ATRX: variants seen among roughly 807,000 people sequenced by gnomAD.
The protein encoded by ATRX is ATRX chromatin remodeler, also known as chromatin remodeler ATRX.
In ATRX, 12 loss-of-function variants were observed where a neutral mutation model predicts 172.6. The observed-to-expected ratio is 0.07, with a 90% confidence interval of 0.04 to 0.11. The LOEUF (loss-of-function observed/expected upper bound fraction) is 0.11. Ranked by LOEUF, ATRX falls within the 10% of genes least tolerant of loss-of-function variation. The probability of loss-of-function intolerance (pLI) is 1.00; values close to 1 mark genes in which losing one functional copy is unlikely to be tolerated. For missense variants in ATRX, 1,368 were observed against 1,767.4 expected (o/e 0.77, Z 4.05); for synonymous variants, 674 against 594.7 (o/e 1.13, Z -1.94).
At chrX:77,652,480 C>A in intron 14 of ATRX, 127 bp from the exon 15 acceptor site, 28 of 522,445 alleles carry the variant, frequency 5.4e-5, no homozygotes, top group Non-Finnish European at 6.8e-5. Flanking sequence ...GAATTATATT[C>A]AGCAATAGAG....
intron 19 of ATRX, among the ~76,000 whole-genome samples, chrX:77,625,985 G>A (rs1243042533): frequency 2.2e-5 from 2 of 89,811 alleles, no homozygotes; most frequent in African/African-American, 8.3e-5. Flanking sequence ...TGTGGAACCA[G>A]CCCAAATGCC....
intron 31 of ATRX, among the ~76,000 whole-genome samples, chrX:77,522,836 A>G (rs782338482): frequency 8.9e-6 from 1 of 111,987 alleles, no homozygotes; most frequent in East Asian, 2.8e-4. Context: ...ATAATGAAAT[A>G]TTTTTGTGTT....
At chrX:77,660,198 G>C (rs952631852) in intron 12 of ATRX, among the ~76,000 whole-genome samples, 1 of 111,988 alleles carries the variant, frequency 8.9e-6, no homozygotes, top group Non-Finnish European at 1.9e-5. Flanking sequence ...AATCCATGTT[G>C]TGATATATAA....
intron 21 of ATRX, among the ~76,000 whole-genome samples, chrX:77,617,227 C>A (rs1557097322): frequency 2.7e-5 from 3 of 111,692 alleles, no homozygotes; most frequent in African/African-American, 9.8e-5. Context: ...AAGAAAGCAA[C>A]CCCTCTACAA....
chrX:77,673,473 C>A (rs782070153), intron 10 of ATRX, among the ~76,000 whole-genome samples: 21 of 110,956 alleles, frequency 1.9e-4, no homozygotes, highest in African/African-American at 6.5e-4. Context: ...GATTAGTCTA[C>A]TTTTTTTTAT....
chrX:77,653,511 AG>A (rs2069385378), intron 14 of ATRX, among the ~76,000 whole-genome samples: 1 of 112,116 alleles, frequency 8.9e-6, no homozygotes, highest in African/African-American at 3.2e-5. Context: ...AAATTCTTGG[AG>A]ACATAAATGA....
In ATRX at chrX:77,589,533, G is replaced by T. The variant is rs549638355; in HGVS notation, c.6217+301C>A. Among the ~76,000 whole-genome samples, 4 of 111,561 alleles carry T rather than the reference G, an allele frequency of 3.6e-5. No individual in the cohort carries two copies. In the South Asian group the frequency reaches 1.5e-3, roughly 41 times the overall value. On this transcript the variant is annotated intron_variant, in intron 27 of 34. Transcript: ENST00000373344. ...TCTTAAGTTGATATTAGCTGCTCTTGTCACCAAAAAAAACTATGTGAGATG... is the reference window on the plus strand; with the variant it reads ...TCTTAAGTTGATATTAGCTGCTCTTTTCACCAAAAAAAACTATGTGAGATG...
At chrX:77,768,803 A>G (rs1187195029) in intron 1 of ATRX, among the ~76,000 whole-genome samples, 1 of 112,225 alleles carries the variant, frequency 8.9e-6, no homozygotes, top group Non-Finnish European at 1.9e-5. Flanking sequence ...TCTGAAATCA[A>G]TGTCAACAGT....
At chrX:77,544,985 A>T (rs1391390107) in intron 30 of ATRX, among the ~76,000 whole-genome samples, 2 of 111,940 alleles carry the variant, frequency 1.8e-5, no homozygotes, top group Non-Finnish European at 3.8e-5. Context: ...ACTTCTCAAA[A>T]GAAGACATTT....
intron 6 of ATRX, among the ~76,000 whole-genome samples, chrX:77,689,971 A>G (rs1366933956): frequency 8.9e-6 from 1 of 112,322 alleles, no homozygotes; most frequent in Non-Finnish European, 1.9e-5. Flanking sequence ...AAAACATCAC[A>G]TATATTTTTC....
At chrX:77,580,591 TA>T (rs1322379396) in intron 27 of ATRX, among the ~76,000 whole-genome samples, 1 of 110,852 alleles carries the variant, frequency 9.0e-6, no homozygotes, top group Non-Finnish European at 1.9e-5. Flanking sequence ...AAAAGAAAAA[TA>T]AAAACTTTCC....
chrX:77,679,319 C>G (rs782515016), intron 9 of ATRX, among the ~76,000 whole-genome samples: 2 of 110,973 alleles, frequency 1.8e-5, no homozygotes, highest in East Asian at 5.7e-4. Flanking sequence ...TTTCACCAAG[C>G]AGTTGAAGGA....
chrX:77,512,618 C>T (rs934256326), intron 34 of ATRX, among the ~76,000 whole-genome samples: 1 of 112,236 alleles, frequency 8.9e-6, no homozygotes, highest in African/African-American at 3.2e-5. Flanking sequence ...CCTGTGATCC[C>T]AGCGCTTTGG....
At chrX:77,510,708 T>A (rs1557036161) in intron 34 of ATRX, among the ~76,000 whole-genome samples, 1 of 112,010 alleles carries the variant, frequency 8.9e-6, no homozygotes, top group Non-Finnish European at 1.9e-5. Flanking sequence ...ACTCCTTTGC[T>A]TGTGAAAAGC....
chrX:77,590,385 T>G (rs1293933753), intron 26 of ATRX, among the ~76,000 whole-genome samples: 2 of 109,264 alleles, frequency 1.8e-5, no homozygotes, highest in East Asian at 5.7e-4. Context: ...CCGAGACGGG[T>G]GGATCACGAG....
In ATRX at chrX:77,549,640, T is replaced by C. The variant is rs782431665; in HGVS notation, c.6699+7811A>G. ...TTAAACTACTTATAAGTCTAGATCA[T>C]GCTACAGTTTCAAAATGGCTGAGAA... On this transcript the variant is annotated intron_variant, in intron 30 of 34. Transcript: ENST00000373344. Among the ~76,000 whole-genome samples the C allele has an allele frequency of 3.6e-4, 41 of 112,532 alleles. 1 individual carries two copies. The highest frequency in any genetic ancestry group is 3.3e-3 in the Admixed American group (35 of 10,561).
chrX:77,697,519 G>A (rs2148680460), intron 4 of ATRX, 64 bp downstream of exon 4: 1 of 1,140,420 alleles, frequency 8.8e-7, no homozygotes, highest in South Asian at 1.8e-5. Flanking sequence ...AAAAAACATG[G>A]TTTTAGAAAC....
chrX:77,603,658 G>C (rs782548591), intron 22 of ATRX, among the ~76,000 whole-genome samples: 2 of 109,970 alleles, frequency 1.8e-5, no homozygotes, highest in Non-Finnish European at 3.8e-5. Context: ...TTACAGATGT[G>C]AGCTACCGTG....
At chrX:77,716,301 T>TAAA (rs35192332) in intron 2 of ATRX, among the ~76,000 whole-genome samples, 4 of 37,850 alleles carry the variant, frequency 1.1e-4, no homozygotes, top group African/African-American at 3.9e-4. Context: ...CTCGTCTCTT[T>TAAA]AAAAAAAAAA....
Sources: gnomAD v4.1 joint callset for allele counts (sites outside exome capture counted in the v4.1 genomes callset) on GRCh38, gnomAD v4.1.1 for gene constraint, MANE v1.5 for transcripts, NCBI Gene and HGNC (gene_info 2026-07-23, HGNC 2026-07-21) for gene names.